SLC15A5: variants seen among roughly 807,000 people sequenced by gnomAD.
The protein encoded by SLC15A5 is Peptide/histidine transporter ENSP00000340402.
A neutral mutation model predicts 56.1 loss-of-function variants in SLC15A5; 58 were observed. The ratio of observed to expected loss-of-function variants is 1.03; its 90% CI spans 0.84 to 1.29. The LOEUF is 1.29. Ranked by LOEUF, SLC15A5 falls within the 50% of genes most tolerant of loss-of-function variation. The probability of loss-of-function intolerance (pLI) is 0.00; values close to 1 mark genes in which losing one functional copy is unlikely to be tolerated. For missense variants in SLC15A5, 681 were observed against 672.1 expected, an observed-to-expected ratio of 1.01 and a Z score of -0.15; for synonymous variants, 264 against 250.5, an observed-to-expected ratio of 1.05 and a Z score of -0.51.
chr12:16,273,635 G>T (rs544562696), intron 1 of SLC15A5, among the ~76,000 whole-genome samples: 1 of 151,654 alleles, frequency 6.6e-6, no homozygotes, highest in Non-Finnish European at 1.5e-5. Context: ...TTTTTTTAAA[G>T]AAATAAGTTC....
intron 2 of SLC15A5, among the ~76,000 whole-genome samples, chr12:16,259,378 GTTCC>G (rs1001741470): frequency 2.2e-5 from 3 of 137,870 alleles, no homozygotes; most frequent in African/African-American, 5.5e-5. Flanking sequence ...TTCCTTCCTT[GTTCC>G]TTCCTTCTTT....
rs565156457 is a variant in SLC15A5 at position 16,269,146 on chromosome 12, A to T, written c.584+3415T>A. Reference sequence around the variant, plus strand: ...AATAAATTTCTACTATTTATAAGCCAGCCAATCTCTGCTGATTTGTTATTG... The same window carrying T: ...AATAAATTTCTACTATTTATAAGCCTGCCAATCTCTGCTGATTTGTTATTG... On this transcript the variant is annotated intron_variant, in intron 2 of 8. Transcript: ENST00000344941. The surrounding 1 kb of genome is among the most constrained non-coding windows in gnomAD (Gnocchi z 4.7). Among the ~76,000 whole-genome samples, 14 of 152,330 alleles carry T rather than the reference A, an allele frequency of 9.2e-5. No homozygotes were observed. In the East Asian group the frequency reaches 2.7e-3, roughly 29 times the overall value.
intron 4 of SLC15A5, among the ~76,000 whole-genome samples, chr12:16,240,268 C>A (rs1172443478): frequency 6.6e-6 from 1 of 151,920 alleles, no homozygotes; most frequent in African/African-American, 2.4e-5. Flanking sequence ...TCTGTTTTTA[C>A]CCTGATGAAA....
intron 3 of SLC15A5, among the ~76,000 whole-genome samples, chr12:16,249,517 A>G (rs1864499299): frequency 6.6e-6 from 1 of 152,080 alleles, no homozygotes; most frequent in South Asian, 2.1e-4. Flanking sequence ...ACTTGAGAGC[A>G]TTTTCTATGC....
In SLC15A5 at chr12:16,271,589, A is replaced by AAAGG. The variant is rs1216479819; in HGVS notation, c.584+971_584+972insCCTT. 1.1e-3 allele frequency among the ~76,000 whole-genome samples: 6 copies of AAAGG among 5,516 alleles called. No individual in the cohort carries two copies. Among genetic ancestry groups the AAAGG allele is most frequent in the African/African-American group, 1.8e-3 (6 of 3,336 alleles). 3.6% of individuals were successfully genotyped at this position (5,516 alleles called of 152,430 possible). A position where few individuals can be genotyped will look rare whatever the true frequency, so the allele number is the denominator to read the frequency against. ...AGAAAAAAGGGGAGCAAGAGAAAGA[A>AAAGG]AAAGAAAGAAAGAGAAAAGAGGAAC... On this transcript the variant is annotated intron_variant, in intron 2 of 8. Coordinates refer to ENST00000344941, the MANE Select transcript of SLC15A5 (RefSeq NM_001170798.1). This position sits in a 1 kb window ranked among gnomAD's most constrained non-coding sequence, Gnocchi z 8.0.
At chr12:16,213,524 G>A (rs945979154) in intron 7 of SLC15A5, among the ~76,000 whole-genome samples, 1 of 152,048 alleles carries the variant, frequency 6.6e-6, no homozygotes, top group African/African-American at 2.4e-5. Context: ...GGCACACTCA[G>A]GTTATATCTC....
At chr12:16,208,812 A>G (rs1367188262) in intron 7 of SLC15A5, among the ~76,000 whole-genome samples, 9 of 152,234 alleles carry the variant, frequency 5.9e-5, no homozygotes, top group Non-Finnish European at 1.2e-4. Context: ...TTTTTTTAGT[A>G]TAAGGAGGTA....
intron 7 of SLC15A5, among the ~76,000 whole-genome samples, chr12:16,208,256 C>G (rs1864040669): frequency 6.6e-6 from 1 of 152,200 alleles, no homozygotes; most frequent in Non-Finnish European, 1.5e-5. Context: ...TTGTCCCTGA[C>G]CGAGTCCAAC....
chr12:16,228,242 GA>G (rs766245033), intron 5 of SLC15A5, among the ~76,000 whole-genome samples: 16 of 152,338 alleles, frequency 1.1e-4, no homozygotes, highest in Non-Finnish European at 1.2e-4. Flanking sequence ...CTTAGAGTCA[GA>G]GTTTAGGGCC....
intron 3 of SLC15A5, among the ~76,000 whole-genome samples, chr12:16,256,549 G>T (rs1864573580): frequency 6.6e-6 from 1 of 152,154 alleles, no homozygotes; most frequent in African/African-American, 2.4e-5. Flanking sequence ...GAAATGTTAA[G>T]ATTTCTTTTT....
intron 7 of SLC15A5, among the ~76,000 whole-genome samples, chr12:16,203,437 T>C (rs533836963): frequency 2.0e-5 from 3 of 152,272 alleles, no homozygotes; most frequent in African/African-American, 7.2e-5. Context: ...AAAAATTTAC[T>C]AAATGCACCC....
chr12:16,251,258 ATAACT>A (rs1864515895), intron 3 of SLC15A5, among the ~76,000 whole-genome samples: 2 of 151,924 alleles, frequency 1.3e-5, no homozygotes, highest in South Asian at 4.1e-4. Context: ...TCTCAAATCA[ATAACT>A]TAACCTTACA....
intron 6 of SLC15A5, among the ~76,000 whole-genome samples, chr12:16,218,034 A>T (rs1343545368): frequency 2.0e-5 from 3 of 152,198 alleles, no homozygotes; most frequent in African/African-American, 7.2e-5. Context: ...TCTTAGCGAT[A>T]TGTGTTAAAA....
At chr12:16,253,801 A>G (rs1255103583) in intron 3 of SLC15A5, among the ~76,000 whole-genome samples, 1 of 152,130 alleles carries the variant, frequency 6.6e-6, no homozygotes, top group African/African-American at 2.4e-5. Context: ...GATGTGGAGA[A>G]ATTGTGGGTA....
At chr12:16,253,394 G>A (rs547712700) in intron 3 of SLC15A5, among the ~76,000 whole-genome samples, 2 of 152,134 alleles carry the variant, frequency 1.3e-5, no homozygotes, top group African/African-American at 4.8e-5. Context: ...CTGATATGGG[G>A]CTAATATCCA....
intron 7 of SLC15A5, among the ~76,000 whole-genome samples, chr12:16,215,005 C>T (rs1333437072): frequency 6.6e-6 from 1 of 151,772 alleles, no homozygotes; most frequent in Non-Finnish European, 1.5e-5. Flanking sequence ...GAGATTGAGA[C>T]CATCCTGGCC....
At chr12:16,241,457 C>T (rs1045447910) in intron 4 of SLC15A5, among the ~76,000 whole-genome samples, 8 of 152,186 alleles carry the variant, frequency 5.3e-5, no homozygotes, top group Non-Finnish European at 7.3e-5. Flanking sequence ...ATGTTAACTG[C>T]GCAAACACAG....
intron 7 of SLC15A5, among the ~76,000 whole-genome samples, chr12:16,206,927 G>C (rs1864025240): frequency 6.6e-6 from 1 of 152,164 alleles, no homozygotes; most frequent in South Asian, 2.1e-4. Context: ...TTCTCTTGAA[G>C]AGCATTGGGA....
chr12:16,218,697 C>T (rs35835382), intron 6 of SLC15A5, among the ~76,000 whole-genome samples: 11,399 of 152,094 alleles, frequency 0.075, 555 homozygotes, highest in Non-Finnish European at 0.11. Context: ...ATGAAACTGC[C>T]GTCATATACG....
Sources: allele counts gnomAD v4.1 joint callset (sites outside exome capture counted in the v4.1 genomes callset), GRCh38; gene constraint gnomAD v4.1.1; non-coding constraint Gnocchi (gnomAD v3.1); transcripts MANE v1.5; gene names NCBI Gene and HGNC (gene_info 2026-07-23, HGNC 2026-07-21).